The following NOL4 variants were observed in gnomAD, a reference collection of about 807,000 sequenced individuals.
NOL4 encodes the protein nucleolar protein 4.
NOL4 carries 17 observed loss-of-function variants against 75.9 expected under a neutral mutation model. That is an observed-to-expected ratio of 0.22 (90% confidence interval 0.15 to 0.34). The LOEUF is 0.34. Ranked by LOEUF, NOL4 falls within the 10% of genes least tolerant of loss-of-function variation. The pLI is 1.00. For synonymous variants in NOL4, 292 were observed against 289.9 expected (o/e 1.01, Z -0.07); for missense variants, 614 against 793.5 (o/e 0.77, Z 2.72).
intron 5 of NOL4, among the ~76,000 whole-genome samples, chr18:34,082,102 TATTA>T (rs2078036439): frequency 6.6e-6 from 1 of 152,194 alleles, no homozygotes; most frequent in Non-Finnish European, 1.5e-5. Context: ...TTAGCTATAT[TATTA>T]ATTTTCTGTT....
intron 1 of NOL4, among the ~76,000 whole-genome samples, chr18:34,146,879 T>C (rs1468721611): frequency 1.3e-5 from 2 of 152,142 alleles, no homozygotes; most frequent in Non-Finnish European, 2.9e-5. Flanking sequence ...TTTGTTTGTG[T>C]CCTCTCTTAT....
chr18:34,066,179 T>C (rs1244923135), intron 5 of NOL4, among the ~76,000 whole-genome samples: 2 of 151,962 alleles, frequency 1.3e-5, no homozygotes, highest in Non-Finnish European at 2.9e-5. Context: ...AAATAATAGG[T>C]ATAAATAATT....
intron 10 of NOL4, among the ~76,000 whole-genome samples, chr18:33,875,520 T>C (rs948012741): frequency 6.2e-4 from 95 of 152,094 alleles, no homozygotes; most frequent in African/African-American, 2.3e-3. Flanking sequence ...CAAGATTTTC[T>C]ATTGCTATTA....
At chr18:34,197,421 T>G (rs2146452980) in intron 1 of NOL4, among the ~76,000 whole-genome samples, 1 of 152,184 alleles carries the variant, frequency 6.6e-6, no homozygotes, top group South Asian at 2.1e-4. Context: ...ATGTATAGGC[T>G]GATAATACCA....
intron 9 of NOL4, among the ~76,000 whole-genome samples, chr18:33,929,617 T>C (rs2067554617): frequency 6.6e-6 from 1 of 152,162 alleles, no homozygotes; most frequent in African/African-American, 2.4e-5. Flanking sequence ...TACTATAAAG[T>C]GCTAAGTACA....
intron 4 of NOL4, among the ~76,000 whole-genome samples, chr18:34,098,666 T>C (rs2078901631): frequency 6.6e-6 from 1 of 152,156 alleles, no homozygotes; most frequent in Non-Finnish European, 1.5e-5. Flanking sequence ...TTTCTCCCCT[T>C]TGAGCTACAC....
intron 9 of NOL4, among the ~76,000 whole-genome samples, chr18:33,883,862 A>C (rs550168777): frequency 1.5e-4 from 23 of 152,308 alleles, no homozygotes; most frequent in African/African-American, 5.5e-4. Flanking sequence ...AACCACAAAA[A>C]AACAAATATT....
chr18:34,131,096 ACACAC>A (rs200380419), intron 1 of NOL4, among the ~76,000 whole-genome samples: 2,215 of 151,548 alleles, frequency 0.015, 14 homozygotes, highest in Middle Eastern at 0.034. Flanking sequence ...ACACACACAC[ACACAC>A]ACTTCTTATT....
At position 34,180,173 on chromosome 18, in the gene NOL4, A is replaced by G. The variant is rs78021339; in HGVS notation, c.264+42817T>C. On this transcript the variant is annotated intron_variant, in intron 1 of 10. Transcript: ENST00000261592. ...ATTAGCCTTATCCCAAAATCATGCA[A>G]TGATTTCACAGGAAAACAAAATTAC... 2.3e-3 allele frequency among the ~76,000 whole-genome samples: 347 copies of G among 151,668 alleles called. 1 individual carries two copies. Among genetic ancestry groups the G allele is most frequent in the African/African-American group, 8.0e-3 (331 of 41,504 alleles).
intron 5 of NOL4, among the ~76,000 whole-genome samples, chr18:34,049,507 T>G (rs2076537762): frequency 6.6e-6 from 1 of 152,074 alleles, no homozygotes. Flanking sequence ...GCGATTCAAA[T>G]GAGTACATCC....
At chr18:34,038,851 C>T (rs1163553697) in intron 5 of NOL4, among the ~76,000 whole-genome samples, 1 of 151,858 alleles carries the variant, frequency 6.6e-6, no homozygotes. Context: ...CTATGATCAG[C>T]AACAGTATAC....
At chr18:33,886,321 A>G (rs932669818) in intron 9 of NOL4, among the ~76,000 whole-genome samples, 1 of 152,024 alleles carries the variant, frequency 6.6e-6, no homozygotes, top group African/African-American at 2.4e-5. Context: ...TGAGGTCAGG[A>G]GTTCGAGACC....
chr18:34,179,300 T>C (rs1475644055), intron 1 of NOL4, among the ~76,000 whole-genome samples: 2 of 150,596 alleles, frequency 1.3e-5, no homozygotes, highest in Non-Finnish European at 3.0e-5. Flanking sequence ...CTTAATAAAC[T>C]AGAAAGAAAA....
intron 5 of NOL4, among the ~76,000 whole-genome samples, chr18:34,076,422 T>C (rs1367967972): frequency 6.6e-6 from 1 of 152,198 alleles, no homozygotes; most frequent in African/African-American, 2.4e-5. Flanking sequence ...TCCTGAATAG[T>C]GTAAATGATT....
At chr18:33,959,852 T>A (rs1017978587) in intron 6 of NOL4, among the ~76,000 whole-genome samples, 9 of 152,054 alleles carry the variant, frequency 5.9e-5, no homozygotes, top group African/African-American at 2.2e-4. Flanking sequence ...TGAGATTATA[T>A]AACTACTGTG....
At position 33,993,877 on chromosome 18, in the gene NOL4, A is replaced by G. The variant is rs192465372; in HGVS notation, c.1056+25441T>C. 1.6e-3 allele frequency among the ~76,000 whole-genome samples: 240 copies of G among 151,972 alleles called. 1 individual carries two copies. The highest frequency in any genetic ancestry group is 5.4e-3 in the African/African-American group (224 of 41,552). On this transcript the variant is annotated intron_variant, in intron 6 of 10. Coordinates refer to ENST00000261592, the MANE Select transcript of NOL4 (RefSeq NM_003787.5). ...CCTGATAGAAGAAAGAGGAAAAAAAAGAAAACACAAAATACAACTTTTTTA... is the reference window on the plus strand; with the variant it reads ...CCTGATAGAAGAAAGAGGAAAAAAAGGAAAACACAAAATACAACTTTTTTA...
At chr18:33,932,257 A>T (rs1386704606) in intron 9 of NOL4, among the ~76,000 whole-genome samples, 2 of 152,128 alleles carry the variant, frequency 1.3e-5, no homozygotes, top group African/African-American at 4.8e-5. Context: ...AACATTAATT[A>T]TAAATTGCAC....
intron 1 of NOL4, among the ~76,000 whole-genome samples, chr18:34,182,754 A>T (rs2034142999): frequency 6.6e-6 from 1 of 151,738 alleles, no homozygotes; most frequent in East Asian, 1.9e-4. Flanking sequence ...TTTTTAAAAA[A>T]TAATTGCATT....
chr18:33,970,723 A>AC (rs1167563248), intron 6 of NOL4, among the ~76,000 whole-genome samples: 8 of 148,620 alleles, frequency 5.4e-5, no homozygotes, highest in African/African-American at 2.1e-4. Flanking sequence ...TCTTCAAGCT[A>AC]TTTGTGTGTG....
Sources: allele counts gnomAD v4.1 joint callset (sites outside exome capture counted in the v4.1 genomes callset), GRCh38; gene constraint gnomAD v4.1.1; transcripts MANE v1.5; gene names NCBI Gene and HGNC (gene_info 2026-07-23, HGNC 2026-07-21).